CCDC192: variants seen among roughly 807,000 people sequenced by gnomAD.
CCDC192 encodes coiled-coil domain containing 192, also known as coiled-coil domain-containing protein 192.
chr5:127,735,639 T>C (rs1306337387), intron 2 of CCDC192, among the ~76,000 whole-genome samples: 1 of 126,874 alleles, frequency 7.9e-6, no homozygotes, highest in African/African-American at 3.6e-5. Context: ...GAAGAGGTCC[T>C]TCACATCCCT....
intron 2 of CCDC192, among the ~76,000 whole-genome samples, chr5:127,714,970 A>AC (rs568552369): frequency 3.6e-4 from 22 of 61,754 alleles, no homozygotes; most frequent in African/African-American, 1.5e-3. Flanking sequence ...TGAAATTATT[A>AC]GGTTTTTTTT....
intron 6 of CCDC192, among the ~76,000 whole-genome samples, chr5:127,905,242 C>A (rs1753163538): frequency 6.6e-6 from 1 of 152,170 alleles, no homozygotes; most frequent in Admixed American, 6.5e-5. Context: ...TTCAACCTAT[C>A]AAGTTTAATG....
At chr5:127,788,280 C>A (rs1756674782) in intron 3 of CCDC192, among the ~76,000 whole-genome samples, 1 of 152,062 alleles carries the variant, frequency 6.6e-6, no homozygotes, top group South Asian at 2.1e-4. Flanking sequence ...ATTCCTTTTA[C>A]TTTTATAAAA....
At chr5:127,800,376 GA>G (rs1168212422) in intron 5 of CCDC192, among the ~76,000 whole-genome samples, 56 of 19,510 alleles carry the variant, frequency 2.9e-3, no homozygotes, top group East Asian at 8.6e-3. Flanking sequence ...GAGGTATTCT[GA>G]AAAAAAAAAA....
intron 5 of CCDC192, among the ~76,000 whole-genome samples, chr5:127,866,076 G>T (rs1414526878): frequency 6.6e-6 from 1 of 152,058 alleles, no homozygotes; most frequent in East Asian, 1.9e-4. Flanking sequence ...GCTATCTGCG[G>T]TTCTAGATAA....
At chr5:127,879,072 G>A (rs1453464485) in intron 6 of CCDC192, among the ~76,000 whole-genome samples, 3 of 151,600 alleles carry the variant, frequency 2.0e-5, no homozygotes, top group Non-Finnish European at 4.4e-5. Flanking sequence ...CTGAGACTTT[G>A]CTGAAGTTGC....
intron 3 of CCDC192, among the ~76,000 whole-genome samples, chr5:127,771,354 T>C (rs1470188706): frequency 2.0e-5 from 3 of 152,212 alleles, no homozygotes; most frequent in Non-Finnish European, 2.9e-5. Flanking sequence ...GCCAATAATT[T>C]TTATGTGCCT....
intron 6 of CCDC192, among the ~76,000 whole-genome samples, chr5:127,906,118 C>T (rs1412075142): frequency 6.6e-6 from 1 of 152,134 alleles, no homozygotes; most frequent in Non-Finnish European, 1.5e-5. Flanking sequence ...ACCATCACCG[C>T]CACCATCCAC....
At chr5:127,882,514 G>A (rs1752398636) in intron 6 of CCDC192, among the ~76,000 whole-genome samples, 3 of 152,082 alleles carry the variant, frequency 2.0e-5, no homozygotes, top group African/African-American at 7.2e-5. Flanking sequence ...AAAATGTTCT[G>A]GAATTAGATA....
intron 2 of CCDC192, among the ~76,000 whole-genome samples, chr5:127,751,905 A>T (rs1347015965): frequency 2.0e-5 from 3 of 152,080 alleles, no homozygotes; most frequent in Non-Finnish European, 2.9e-5. Flanking sequence ...AGTTGATCGC[A>T]TCGGCTCCTG....
At position 127,797,088 on chromosome 5, in the gene CCDC192, A is replaced by G. The variant is rs1269962866; in HGVS notation, c.223-15A>G. Reference sequence around the variant, plus strand: ...TCACTGTACTTACATACTCTTATAAAGAAAATATCTTTAGCTTTCAGTCTC... The same window carrying G: ...TCACTGTACTTACATACTCTTATAAGGAAAATATCTTTAGCTTTCAGTCTC... On this transcript the variant is annotated splice_polypyrimidine_tract_variant and intron_variant, in intron 3 of 6. Coordinates refer to ENST00000514853, the MANE Select transcript of CCDC192 (RefSeq NM_001317938.2). 2 of 397,392 alleles carry G rather than the reference A, an allele frequency of 5.0e-6. No individual in the cohort carries two copies. Among genetic ancestry groups the G allele is most frequent in the Admixed American group, 4.4e-5 (1 of 22,696 alleles). The allele number at this position is 397,392 out of a possible 1,614,324, so 24.6% of individuals were successfully genotyped here.
intron 5 of CCDC192, among the ~76,000 whole-genome samples, chr5:127,863,571 G>T (rs1036443002): frequency 6.6e-6 from 1 of 152,136 alleles, no homozygotes; most frequent in Non-Finnish European, 1.5e-5. Flanking sequence ...ACAGGTAGTT[G>T]TTGTCTATGG....
At position 127,930,138 on chromosome 5, in the gene CCDC192, G is replaced by T. The variant is rs139456358; in HGVS notation, c.536-11044G>T. On this transcript the variant is annotated intron_variant, in intron 6 of 6. Transcript: ENST00000514853. ...GAATCGCTTGATCCCTGGAGGCGGAGGTTACAGTGAGCCGAGATTGTGCCA... is the reference window on the plus strand; with the variant it reads ...GAATCGCTTGATCCCTGGAGGCGGATGTTACAGTGAGCCGAGATTGTGCCA... Among the ~76,000 whole-genome samples, 706 of 152,330 alleles carry T rather than the reference G, an allele frequency of 4.6e-3. 4 individuals are homozygous for T. Among genetic ancestry groups the T allele is most frequent in the Non-Finnish European group, 7.2e-3 (490 of 68,030 alleles).
In CCDC192 at chr5:127,722,578, G is replaced by T. The variant is rs190497394; in HGVS notation, c.114+14818G>T. Among the ~76,000 whole-genome samples, 192 of 152,226 alleles carry T rather than the reference G, an allele frequency of 1.3e-3. 1 individual carries two copies. Among genetic ancestry groups the T allele is most frequent in the African/African-American group, 4.4e-3 (183 of 41,532 alleles). On this transcript the variant is annotated intron_variant, in intron 2 of 6. Coordinates refer to ENST00000514853, the MANE Select transcript of CCDC192 (RefSeq NM_001317938.2). The stretch of plus-strand genomic sequence containing the variant: ...ATTTCCTCAATGTTTTCTTTTAGTA[G>T]TTTCATAGTTGAGGTCTTAGATTTA...
intron 5 of CCDC192, among the ~76,000 whole-genome samples, chr5:127,819,163 C>T (rs369770765): frequency 1.3e-5 from 2 of 152,128 alleles, no homozygotes; most frequent in African/African-American, 2.4e-5. Context: ...CAGATAAAGA[C>T]CCCCTACTGT....
At chr5:127,877,591 G>C (rs372900747) in intron 6 of CCDC192, among the ~76,000 whole-genome samples, 1 of 152,116 alleles carries the variant, frequency 6.6e-6, no homozygotes, top group Non-Finnish European at 1.5e-5. Context: ...CAGGCCCCTT[G>C]CAGCCTCACC....
intron 2 of CCDC192, among the ~76,000 whole-genome samples, chr5:127,719,024 C>T (rs1406431380): frequency 1.3e-5 from 2 of 151,980 alleles, no homozygotes; most frequent in East Asian, 1.9e-4. Flanking sequence ...TTTTTGTACC[C>T]ATTGACCATC....
intron 6 of CCDC192, among the ~76,000 whole-genome samples, chr5:127,880,346 C>G (rs1345303452): frequency 1.3e-5 from 2 of 150,808 alleles, no homozygotes; most frequent in Admixed American, 1.3e-4. Flanking sequence ...GTAAACTATC[C>G]CAAGAACAAA....
chr5:127,863,245 C>A (rs1198877304), intron 5 of CCDC192, among the ~76,000 whole-genome samples: 1 of 152,148 alleles, frequency 6.6e-6, no homozygotes, highest in Non-Finnish European at 1.5e-5. Flanking sequence ...TAACCAAGGG[C>A]TGGAAACAAC....
Sources: gnomAD v4.1 joint callset for allele counts (sites outside exome capture counted in the v4.1 genomes callset) on GRCh38, gnomAD v4.1.1 for gene constraint, MANE v1.5 for transcripts, NCBI Gene and HGNC (gene_info 2026-07-23, HGNC 2026-07-21) for gene names.